The following NAALADL2 variants were observed in gnomAD, a reference collection of about 807,000 sequenced individuals.
NAALADL2 encodes the protein inactive N-acetylated-alpha-linked acidic dipeptidase-like protein 2.
A neutral mutation model predicts 87.2 loss-of-function variants in NAALADL2; 76 were observed. That is an observed-to-expected ratio of 0.87 (90% CI 0.72 to 1.05). NAALADL2 has a LOEUF of 1.05. Among genes scored for constraint, NAALADL2 ranks in the 50% least tolerant of loss-of-function variants. NAALADL2 has a pLI of 0.00. For missense variants in NAALADL2, 1,089 were observed against 945.8 expected (o/e 1.15, Z -1.99); for synonymous variants, 354 against 331.0 (o/e 1.07, Z -0.75).
chr3:175,741,076 G>A (rs1745174639), intron 12 of NAALADL2, among the ~76,000 whole-genome samples: 1 of 152,112 alleles, frequency 6.6e-6, no homozygotes, highest in Admixed American at 6.5e-5. Context: ...GAAGCACAAG[G>A]ATTGAGGACT....
intron 5 of NAALADL2, among the ~76,000 whole-genome samples, chr3:175,335,179 C>T (rs574270029): frequency 6.6e-6 from 1 of 152,162 alleles, no homozygotes; most frequent in Non-Finnish European, 1.5e-5. Context: ...ATATGATAGC[C>T]ACTAGCCATA....
chr3:175,128,603 A>C (rs1449936110), intron 2 of NAALADL2, among the ~76,000 whole-genome samples: 1 of 152,162 alleles, frequency 6.6e-6, no homozygotes, highest in Non-Finnish European at 1.5e-5. Flanking sequence ...AAAATTGTGC[A>C]GTAGGTATAA....
At chr3:174,757,419 C>CT (rs1712249996) in intron 3 of NAALADL2, among the ~76,000 whole-genome samples, 1 of 152,058 alleles carries the variant, frequency 6.6e-6, no homozygotes. Context: ...CTAAGTATGA[C>CT]TTAGAAGCAT....
chr3:175,561,059 G>A (rs1193353337), intron 9 of NAALADL2, among the ~76,000 whole-genome samples: 2 of 152,146 alleles, frequency 1.3e-5, no homozygotes, highest in African/African-American at 2.4e-5. Context: ...GTGGAAAACT[G>A]TCTAAGGCCT....
intron 3 of NAALADL2, chr3:175,235,342 T>C (rs531235241): frequency 6.6e-6 from 1 of 152,328 alleles, no homozygotes; most frequent in East Asian, 1.9e-4. Context: ...TATCACACTT[T>C]GACTTTTAGC....
chr3:175,197,707 C>T (rs1739227170), intron 2 of NAALADL2, among the ~76,000 whole-genome samples: 1 of 151,964 alleles, frequency 6.6e-6, no homozygotes, highest in Non-Finnish European at 1.5e-5. Context: ...AACATAGATA[C>T]AGACCAAACT....
intron 1 of NAALADL2, among the ~76,000 whole-genome samples, chr3:174,923,336 G>T (rs1434886871): frequency 2.0e-5 from 3 of 152,090 alleles, no homozygotes; most frequent in Non-Finnish European, 4.4e-5. Context: ...ACATATCCAT[G>T]AGTACATAGT....
At chr3:175,640,208 T>C (rs1394374811) in intron 11 of NAALADL2, among the ~76,000 whole-genome samples, 1 of 152,176 alleles carries the variant, frequency 6.6e-6, no homozygotes, top group African/African-American at 2.4e-5. Flanking sequence ...TTCCTGTGGA[T>C]TACCCATAGA....
In NAALADL2 at chr3:175,576,068, G is replaced by A. The variant is rs367650158; in HGVS notation, c.1681G>A (p.Ala561Thr). The part of the protein sequence containing the change: ...EKNNFNCTRR[A>T]QCPETNISSI... The stretch of plus-strand genomic sequence containing the variant: ...AAATAATTTCAACTGTACCAGAAGA[G>A]CCCAGTGCCCAGAAACCAATATCAG... Residue 561 changes from alanine to threonine, a missense_variant, in exon 10 of 14, where the codon GCC becomes ACC. Ala to Thr is a moderately conservative substitution (Grantham distance 58). Coordinates refer to ENST00000454872, the MANE Select transcript of NAALADL2 (RefSeq NM_207015.3). 5 of 1,612,824 alleles carry A rather than the reference G, an allele frequency of 3.1e-6. No homozygotes were observed. The African/African-American group carries it at 6.7e-5, about 22-fold the overall frequency.
At chr3:175,487,265 C>G (rs1727416831) in intron 9 of NAALADL2, among the ~76,000 whole-genome samples, 1 of 152,092 alleles carries the variant, frequency 6.6e-6, no homozygotes, top group Non-Finnish European at 1.5e-5. Context: ...AATCCCTTAC[C>G]CTGTACTATC....
At chr3:175,630,520 C>A (rs183103480) in intron 11 of NAALADL2, among the ~76,000 whole-genome samples, 4 of 151,402 alleles carry the variant, frequency 2.6e-5, no homozygotes, top group Admixed American at 6.6e-5. Flanking sequence ...CCCTTATCTG[C>A]ATTTTCTGAA....
At chr3:174,801,614 G>T (rs574464692) in intron 3 of NAALADL2, among the ~76,000 whole-genome samples, 1 of 152,114 alleles carries the variant, frequency 6.6e-6, no homozygotes, top group Non-Finnish European at 1.5e-5. Flanking sequence ...ATTCATAGGT[G>T]ATATTAGCCA....
chr3:175,330,163 TA>T (rs886742252), intron 5 of NAALADL2, among the ~76,000 whole-genome samples: 31 of 151,210 alleles, frequency 2.1e-4, no homozygotes, highest in South Asian at 4.2e-4. Flanking sequence ...AATCCACTGC[TA>T]AAAAAAAAGA....
At chr3:175,493,434 AAAACAT>A (rs889888411) in intron 9 of NAALADL2, among the ~76,000 whole-genome samples, 2 of 152,136 alleles carry the variant, frequency 1.3e-5, no homozygotes, top group Non-Finnish European at 2.9e-5. Flanking sequence ...CATAATAGGT[AAAACAT>A]TCATCTCTTA....
intron 2 of NAALADL2, among the ~76,000 whole-genome samples, chr3:175,183,024 GT>G (rs1470422417): frequency 6.8e-6 from 1 of 146,702 alleles, no homozygotes; most frequent in East Asian, 2.1e-4. Context: ...TATTTGGGAA[GT>G]TTTTTGTGGT....
chr3:174,689,389 C>T (rs371556166), intron 2 of NAALADL2, among the ~76,000 whole-genome samples: 8 of 130,972 alleles, frequency 6.1e-5, no homozygotes, highest in South Asian at 5.2e-4. Flanking sequence ...CTCTACCCCC[C>T]GCTTCACCTT....
At chr3:175,659,582 G>T (rs1449701822) in intron 11 of NAALADL2, among the ~76,000 whole-genome samples, 3 of 152,110 alleles carry the variant, frequency 2.0e-5, no homozygotes, top group Non-Finnish European at 4.4e-5. Context: ...AGGTCTTGAT[G>T]ATAAGTTCAA....
At chr3:175,659,207 T>C (rs1204975696) in intron 11 of NAALADL2, among the ~76,000 whole-genome samples, 3 of 152,242 alleles carry the variant, frequency 2.0e-5, no homozygotes, top group African/African-American at 4.8e-5. Flanking sequence ...TATGTATTTA[T>C]TGATGTTTAT....
intron 1 of NAALADL2, among the ~76,000 whole-genome samples, chr3:175,002,208 A>G (rs1186772749): frequency 6.6e-6 from 1 of 152,204 alleles, no homozygotes; most frequent in Non-Finnish European, 1.5e-5. Context: ...AAAGGTCACA[A>G]AGACTTGCAG....
Sources: allele counts gnomAD v4.1 joint callset (sites outside exome capture counted in the v4.1 genomes callset), GRCh38; gene constraint gnomAD v4.1.1; transcripts MANE v1.5; gene names NCBI Gene and HGNC (gene_info 2026-07-23, HGNC 2026-07-21).